The following LRP2 variants were observed in gnomAD, a reference collection of about 807,000 sequenced individuals.
LRP2 encodes the protein LDL receptor related protein 2.
In LRP2, 172 loss-of-function variants were observed where a neutral mutation model predicts 531.0. That is an observed-to-expected ratio of 0.32 (90% CI 0.29 to 0.37). LRP2 has a LOEUF of 0.37. Ranked by LOEUF, LRP2 falls within the 10% of genes least tolerant of loss-of-function variation. The probability of loss-of-function intolerance (pLI) is 1.00; values close to 1 mark genes in which losing one functional copy is unlikely to be tolerated. For missense variants in LRP2, 5,167 were observed against 5,868.3 expected (o/e 0.88, Z 3.90); for synonymous variants, 1,992 against 2,027.6 (o/e 0.98, Z 0.47).
At chr2:169,341,004 T>C (rs1323796970) in intron 1 of LRP2, among the ~76,000 whole-genome samples, 1 of 152,226 alleles carries the variant, frequency 6.6e-6, no homozygotes, top group Non-Finnish European at 1.5e-5. Context: ...AAGGTGGTAC[T>C]CTTCTAGAGG....
chr2:169,331,422 T>G (rs763794992), intron 1 of LRP2, among the ~76,000 whole-genome samples: 1 of 152,120 alleles, frequency 6.6e-6, no homozygotes, highest in South Asian at 2.1e-4. Flanking sequence ...GCACTGAAAG[T>G]GTATTTGTAC....
intron 1 of LRP2, among the ~76,000 whole-genome samples, chr2:169,350,050 G>A (rs1002122352): frequency 4.8e-4 from 73 of 152,288 alleles, no homozygotes; most frequent in African/African-American, 1.7e-3. Context: ...GAATCAGGGT[G>A]GCAGAAGTGA....
chr2:169,264,883 C>A (rs188810550), intron 16 of LRP2, among the ~76,000 whole-genome samples: 60 of 152,118 alleles, frequency 3.9e-4, no homozygotes, highest in Admixed American at 3.6e-3. Context: ...TCTGGAGGAG[C>A]TGAAGCAGAA....
Position 169,204,271 on chromosome 2 carries a change from C to G in LRP2, c.7716G>C (p.Leu2572=). The change falls in exon 42 of 79, where the codon CTG becomes CTC. Residue 2572 remains leucine (L), a splice_region_variant and synonymous_variant. Coordinates refer to ENST00000649046, the MANE Select transcript of LRP2 (RefSeq NM_004525.3). ...TCAGAGTGCTGCGTTCAATCCTCTG[C>G]CTAAAATGAAGCAAAAAAAAATTTA... ...EDLLYWVDAS[L]QRIERSTLTG... 1 of 1,611,518 alleles carries G rather than the reference C, an allele frequency of 6.2e-7. No individual in the cohort carries two copies.
rs1366940354 is a variant in LRP2 at position 169,254,322 on chromosome 2, G to C, written c.2770+1784C>G. On this transcript the variant is annotated intron_variant, in intron 19 of 78. Coordinates refer to ENST00000649046, the MANE Select transcript of LRP2 (RefSeq NM_004525.3). The stretch of plus-strand genomic sequence containing the variant: ...GGAATACTATGCAGCCATAAAAAAT[G>C]ATGAGTTCATATCCTTTGTAGAGAC... Among the ~76,000 whole-genome samples, 2 of 83,454 alleles carry C rather than the reference G, an allele frequency of 2.4e-5. 1 individual carries two copies. The highest frequency in any genetic ancestry group is 3.1e-4 in the Admixed American group (2 of 6,528). The allele number at this position is 83,454 out of a possible 152,430, so 54.7% of individuals were successfully genotyped here.
rs535714335 is a variant in LRP2 at position 169,333,342 on chromosome 2, C to A, written c.80-12458G>T. Among the ~76,000 whole-genome samples, 48 of 152,110 alleles carry A rather than the reference C, an allele frequency of 3.2e-4. No individual in the cohort carries two copies. The South Asian group carries it at 6.6e-3, about 21-fold the overall frequency. On this transcript the variant is annotated intron_variant, in intron 1 of 78. Transcript: ENST00000649046. ...CTAAGCGACCTCTGTATTCCCAGGGCCTGTTACAGGACCTCCTAGTACCCA... is the reference window on the plus strand; with the variant it reads ...CTAAGCGACCTCTGTATTCCCAGGGACTGTTACAGGACCTCCTAGTACCCA...
intron 3 of LRP2, among the ~76,000 whole-genome samples, chr2:169,312,459 T>C (rs1236181874): frequency 1.3e-5 from 2 of 152,200 alleles, no homozygotes; most frequent in African/African-American, 4.8e-5. Context: ...CCTTCACTTA[T>C]GAAGCTTAGT....
At chr2:169,342,883 G>A (rs1685603040) in intron 1 of LRP2, among the ~76,000 whole-genome samples, 2 of 152,180 alleles carry the variant, frequency 1.3e-5, no homozygotes, top group Non-Finnish European at 2.9e-5. Flanking sequence ...CTCACCTATT[G>A]AACATCTCAC....
At chr2:169,200,235 A>G (rs1204160785) in intron 44 of LRP2, among the ~76,000 whole-genome samples, 1 of 152,186 alleles carries the variant, frequency 6.6e-6, no homozygotes, top group Non-Finnish European at 1.5e-5. Context: ...TGGGCGATAG[A>G]GCAAGACTCC....
At chr2:169,270,477 A>C (rs1217084576) in intron 16 of LRP2, among the ~76,000 whole-genome samples, 2 of 151,972 alleles carry the variant, frequency 1.3e-5, no homozygotes, top group Admixed American at 6.6e-5. Context: ...GAAATTGGAA[A>C]TCATCATTCT....
At chr2:169,362,097 G>T (rs947082679) in intron 1 of LRP2, among the ~76,000 whole-genome samples, 29 of 152,374 alleles carry the variant, frequency 1.9e-4, no homozygotes, top group African/African-American at 7.0e-4. Context: ...AACTGGCGGG[G>T]CTGCTTTCTC....
At position 169,277,843 on chromosome 2, in the gene LRP2, C is replaced by T. The variant is rs1683596187; in HGVS notation, c.1674G>A (p.Trp558Ter). ...TCATATCCAGAGTTACCCCAGCAGG[C>T]CATCCCAGCTTTGTTTTCACCAAGT... ...RKDLVKTKLG[W>*]PAGVTLDMIS... The change falls in exon 13 of 79, where the codon TGG becomes TGA. Residue 558 changes from tryptophan to a stop codon, truncating the protein, a stop_gained. Coordinates refer to ENST00000649046, the MANE Select transcript of LRP2 (RefSeq NM_004525.3). LOFTEE classifies it high-confidence loss of function. 2 of 1,614,024 alleles carry T rather than the reference C, an allele frequency of 1.2e-6. No homozygotes were observed. The highest frequency in any genetic ancestry group is 1.7e-6 in the Non-Finnish European group (2 of 1,180,004).
intron 68 of LRP2, among the ~76,000 whole-genome samples, chr2:169,150,328 G>A (rs765093244): frequency 6.6e-6 from 1 of 152,134 alleles, no homozygotes; most frequent in Non-Finnish European, 1.5e-5. Flanking sequence ...TTTCAGCTTA[G>A]TGATTATTCA....
At chr2:169,337,318 T>C (rs139486518) in intron 1 of LRP2, among the ~76,000 whole-genome samples, 33 of 152,286 alleles carry the variant, frequency 2.2e-4, no homozygotes, top group African/African-American at 5.5e-4. Context: ...ATGGAGCAGA[T>C]TGTAGGGGAA....
chr2:169,328,464 A>AG, intron 1 of LRP2, among the ~76,000 whole-genome samples: 1 of 147,608 alleles, frequency 6.8e-6, no homozygotes, highest in East Asian at 2.0e-4. Flanking sequence ...AAAAAAAAAA[A>AG]GAAAAAAAAA....
chr2:169,314,548 C>T (rs1043379719), intron 3 of LRP2, among the ~76,000 whole-genome samples: 3 of 152,056 alleles, frequency 2.0e-5, no homozygotes, highest in African/African-American at 7.2e-5. Context: ...ATAATTAACA[C>T]CCTTCTCCAT....
chr2:169,281,098 C>T (rs1296881342), intron 10 of LRP2, among the ~76,000 whole-genome samples: 1 of 152,074 alleles, frequency 6.6e-6, no homozygotes, highest in Non-Finnish European at 1.5e-5. Flanking sequence ...AAATTATGAA[C>T]ATAAAAGAAG....
chr2:169,300,870 C>T lies in LRP2; in HGVS notation c.428-6160G>A, dbSNP rs546552264. ...AACTGAGTTTGAAGAACATGTTCTT[C>T]ATGCACCCTCACAGTCCACAAAATG... On this transcript the variant is annotated intron_variant, in intron 4 of 78. Transcript: ENST00000649046. 8.7e-4 allele frequency among the ~76,000 whole-genome samples: 132 copies of T among 152,228 alleles called. 1 individual carries two copies. The highest frequency in any genetic ancestry group is 3.0e-3 in the African/African-American group (125 of 41,552).
rs567879229 is a variant in LRP2 at position 169,163,530 on chromosome 2, A to C, written c.11759-930T>G. 1.7e-3 allele frequency among the ~76,000 whole-genome samples: 264 copies of C among 152,326 alleles called. 2 individuals carry two copies. The highest frequency in any genetic ancestry group is 6.0e-3 in the African/African-American group (251 of 41,576). On this transcript the variant is annotated intron_variant, in intron 62 of 78. Coordinates refer to ENST00000649046, the MANE Select transcript of LRP2 (RefSeq NM_004525.3). Reference sequence around the variant, plus strand: ...TGGATGTAAGTGACAATAAGTTCAGACAGAACTCTATGAAGGAAAGAAAGC... The same window carrying C: ...TGGATGTAAGTGACAATAAGTTCAGCCAGAACTCTATGAAGGAAAGAAAGC...
Sources: gnomAD v4.1 joint callset for allele counts (sites outside exome capture counted in the v4.1 genomes callset) on GRCh38, gnomAD v4.1.1 for gene constraint, MANE v1.5 for transcripts, NCBI Gene and HGNC (gene_info 2026-07-23, HGNC 2026-07-21) for gene names.